Variants in TXNRD2 observed in about 807,000 individuals in gnomAD.
TXNRD2 encodes the protein thioredoxin reductase 2, mitochondrial.
In TXNRD2, 67 loss-of-function variants were observed where a neutral mutation model predicts 70.8. That is an observed-to-expected ratio of 0.95 (90% CI 0.78 to 1.16). The LOEUF (loss-of-function observed/expected upper bound fraction) is 1.16. Ranked by LOEUF, TXNRD2 falls within the 50% of genes most tolerant of loss-of-function variation. The pLI, the probability that TXNRD2 is intolerant of heterozygous loss-of-function variation, is 0.00. For synonymous variants in TXNRD2, 301 were observed against 295.8 expected (o/e 1.02, Z -0.18); for missense variants, 644 against 719.9 (o/e 0.89, Z 1.21).
chr22:19,906,397 G>A (rs1219923756), intron 8 of TXNRD2, among the ~76,000 whole-genome samples: 1 of 152,152 alleles, frequency 6.6e-6, no homozygotes, highest in African/African-American at 2.4e-5. Context: ...TGAGGGGCCA[G>A]GGTGATCACT....
At chr22:19,892,246 G>A (rs1197990401) in intron 11 of TXNRD2, among the ~76,000 whole-genome samples, 3 of 152,244 alleles carry the variant, frequency 2.0e-5, no homozygotes, top group Non-Finnish European at 2.9e-5. Flanking sequence ...AAGGCTTATC[G>A]TACAAACCAG....
chr22:19,915,353 A>C, intron 6 of TXNRD2, 77 bp from the exon 7 acceptor site: 2 of 1,496,622 alleles, frequency 1.3e-6, no homozygotes, highest in Non-Finnish European at 1.8e-6. Context: ...AGCACCACAG[A>C]CCTTGGCCAG....
At chr22:19,882,108 C>T (rs917790381) in intron 12 of TXNRD2, among the ~76,000 whole-genome samples, 8 of 152,154 alleles carry the variant, frequency 5.3e-5, no homozygotes, top group Admixed American at 2.0e-4. Context: ...TGTCACATGA[C>T]GATGAGGCAG....
At chr22:19,898,613 C>T (rs566497986) in intron 9 of TXNRD2, among the ~76,000 whole-genome samples, 1 of 146,716 alleles carries the variant, frequency 6.8e-6, no homozygotes, top group East Asian at 2.1e-4. Context: ...CTCCCAGGTT[C>T]AAGCGGTTCC....
chr22:19,930,390 C>T (rs1941312313), intron 2 of TXNRD2, among the ~76,000 whole-genome samples: 1 of 152,152 alleles, frequency 6.6e-6, no homozygotes. Flanking sequence ...ACTCCTACAG[C>T]AGGGCACAGA....
At chr22:19,924,157 C>T (rs895453726) in intron 2 of TXNRD2, among the ~76,000 whole-genome samples, 1 of 152,032 alleles carries the variant, frequency 6.6e-6, no homozygotes, top group Admixed American at 6.6e-5. Flanking sequence ...CACACCAACG[C>T]CCAGCCCTCA....
intron 1 of TXNRD2, among the ~76,000 whole-genome samples, chr22:19,936,428 T>A (rs1030779918): frequency 1.4e-5 from 2 of 146,350 alleles, no homozygotes; most frequent in Admixed American, 1.4e-4. Context: ...CCGACACTTG[T>A]AGCTCCTGCG....
Position 19,919,001 on chromosome 22 carries a change from G to A in TXNRD2, c.233C>T (p.Thr78Ile), listed in dbSNP as rs1309490608. The change falls in exon 4 of 18, where the codon ACC (threonine) becomes ATC (isoleucine). Residue 78 changes from threonine (T) to isoleucine (I), a missense_variant. Thr to Ile is a moderately conservative substitution (Grantham distance 89). Coordinates refer to ENST00000400521, the MANE Select transcript of TXNRD2 (RefSeq NM_006440.5). ...VDYVEPSPQG[T>I]RWGLGGTCVN... ...GCAGGTGCCGCCGAGGCCCCACCGG[G>A]TGCCTGGGACGTGGGAAGAGCACAT... is the stretch of plus-strand genomic sequence containing the variant. 5 of 1,609,108 alleles carry A rather than the reference G, an allele frequency of 3.1e-6. No homozygotes were observed. In the Admixed American group the frequency reaches 6.7e-5, roughly 21 times the overall value.
rs1016907834 is a variant in TXNRD2, at chr22:19,925,892, C to T, written c.172+5138G>A. 1.4e-4 allele frequency among the ~76,000 whole-genome samples: 21 copies of T among 152,260 alleles called. 1 individual carries two copies. The highest frequency in any genetic ancestry group is 3.4e-3 in the Middle Eastern group (1 of 292). On this transcript the variant is annotated intron_variant, in intron 2 of 17. Transcript: ENST00000400521. ...ACCATCAAGAAAGTGCAGGGCCGGG[C>T]ATGGTGGCTCACGCCTGTAATCCCA... is the stretch of plus-strand genomic sequence containing the variant.
chr22:19,931,134 G>C, intron 1 of TXNRD2, 36 bp from the exon 2 acceptor site: 1 of 1,599,476 alleles, frequency 6.3e-7, no homozygotes. Context: ...CGGACTGTCT[G>C]TCTGGTTAAA....
chr22:19,941,367 G>A (rs1941707249), intron 1 of TXNRD2, among the ~76,000 whole-genome samples: 1 of 152,150 alleles, frequency 6.6e-6, no homozygotes, highest in Non-Finnish European at 1.5e-5. Flanking sequence ...TGGCCAGTGG[G>A]GCCGGTGCCT....
chr22:19,940,034 G>A (rs1941648654), intron 1 of TXNRD2, among the ~76,000 whole-genome samples: 1 of 152,010 alleles, frequency 6.6e-6, no homozygotes, highest in Non-Finnish European at 1.5e-5. Context: ...ATGAGGTCAG[G>A]AGATTGAGAC....
intron 8 of TXNRD2, among the ~76,000 whole-genome samples, chr22:19,910,371 T>C (rs1245248988): frequency 6.6e-6 from 1 of 152,142 alleles, no homozygotes; most frequent in Non-Finnish European, 1.5e-5. Flanking sequence ...CAGAAGACAG[T>C]GAGGGTGTTA....
intron 1 of TXNRD2, among the ~76,000 whole-genome samples, chr22:19,931,703 A>T (rs1247350515): frequency 6.6e-6 from 1 of 152,070 alleles, no homozygotes; most frequent in Admixed American, 6.6e-5. Flanking sequence ...GGGTCTGGCT[A>T]TGTTGCCCAG....
chr22:19,902,759 C>T (rs1939834748), intron 8 of TXNRD2, among the ~76,000 whole-genome samples: 1 of 152,236 alleles, frequency 6.6e-6, no homozygotes, highest in African/African-American at 2.4e-5. Flanking sequence ...AGTCTGGTAA[C>T]AAGCCCCAGG....
chr22:19,918,382 G>A (rs1198961257), intron 4 of TXNRD2, among the ~76,000 whole-genome samples, 165 bp from the exon 5 acceptor site: 1 of 152,268 alleles, frequency 6.6e-6, no homozygotes, highest in East Asian at 1.9e-4. Flanking sequence ...GCAACCGCCT[G>A]TCCCAGGCTC....
intron 2 of TXNRD2, among the ~76,000 whole-genome samples, chr22:19,928,485 C>T (rs1255386156): frequency 6.6e-6 from 1 of 152,200 alleles, no homozygotes; most frequent in Non-Finnish European, 1.5e-5. Context: ...TGACATACAG[C>T]AGCATTCCGT....
At chr22:19,932,994 C>T (rs933096870) in intron 1 of TXNRD2, among the ~76,000 whole-genome samples, 9 of 152,232 alleles carry the variant, frequency 5.9e-5, no homozygotes, top group African/African-American at 1.9e-4. Flanking sequence ...AGAACATGCA[C>T]TCCTAAAGGA....
chr22:19,905,628 C>T (rs1404407625), intron 8 of TXNRD2, among the ~76,000 whole-genome samples: 1 of 152,190 alleles, frequency 6.6e-6, no homozygotes, highest in African/African-American at 2.4e-5. Context: ...AGGGGCCCAG[C>T]AGACATCCTG....
Sources: gnomAD v4.1 joint callset for allele counts (sites outside exome capture counted in the v4.1 genomes callset) on GRCh38, gnomAD v4.1.1 for gene constraint, MANE v1.5 for transcripts, NCBI Gene and HGNC (gene_info 2026-07-23, HGNC 2026-07-21) for gene names.